Variants in GLIS3 observed in about 807,000 individuals in gnomAD.
The protein encoded by GLIS3 is zinc finger protein GLIS3.
Under a neutral mutation model 78.6 loss-of-function variants are expected in GLIS3, and 53 were observed. The ratio of observed to expected loss-of-function variants is 0.67; its 90% CI spans 0.54 to 0.85. The LOEUF (loss-of-function observed/expected upper bound fraction) is 0.85. GLIS3 is among the 40% of genes least tolerant of loss of function. GLIS3 has a pLI of 0.00. For missense variants in GLIS3, 1,703 were observed against 1,231.1 expected, an observed-to-expected ratio of 1.38 and a Z score of -5.74; for synonymous variants, 684 against 509.9, an observed-to-expected ratio of 1.34 and a Z score of -4.60.
At chr9:4,057,204 G>T (rs1826223473) in intron 4 of GLIS3, among the ~76,000 whole-genome samples, 1 of 152,078 alleles carries the variant, frequency 6.6e-6, no homozygotes, top group Admixed American at 6.6e-5. Flanking sequence ...AGGCCATGCA[G>T]TCCCATCGGC....
chr9:4,378,033 C>A, the GLIS3 span, among the ~76,000 whole-genome samples: 1 of 152,158 alleles, frequency 6.6e-6, no homozygotes. Context: ...ACTCCTTCAT[C>A]TGGTAAATGG....
intron 4 of GLIS3, among the ~76,000 whole-genome samples, chr9:4,111,719 G>T (rs1399286232): frequency 6.6e-6 from 1 of 152,168 alleles, no homozygotes; most frequent in Non-Finnish European, 1.5e-5. Context: ...ACGTAAAATC[G>T]CTGGGAAAGA....
chr9:4,233,587 C>T (rs900028993), intron 2 of GLIS3, among the ~76,000 whole-genome samples: 1 of 152,152 alleles, frequency 6.6e-6, no homozygotes, highest in Admixed American at 6.6e-5. Flanking sequence ...TTTGTTGTTC[C>T]ATTTATAGAT....
At chr9:3,869,341 G>C (rs1364917382) in intron 8 of GLIS3, among the ~76,000 whole-genome samples, 2 of 152,188 alleles carry the variant, frequency 1.3e-5, no homozygotes, top group Non-Finnish European at 2.9e-5. Context: ...TACTCAGAAA[G>C]TCCTGGAGAG....
intron 4 of GLIS3, among the ~76,000 whole-genome samples, chr9:3,960,495 C>T (rs1372583968): frequency 1.3e-5 from 2 of 152,144 alleles, no homozygotes; most frequent in Non-Finnish European, 2.9e-5. Context: ...CTATACCTAT[C>T]CATTAGAATG....
At chr9:4,267,637 A>T (rs1386805190) in intron 2 of GLIS3, among the ~76,000 whole-genome samples, 2 of 152,206 alleles carry the variant, frequency 1.3e-5, no homozygotes, top group Non-Finnish European at 2.9e-5. Flanking sequence ...TCATCCTGAA[A>T]ATCAGGTTTC....
chr9:4,189,124 G>C (rs1424544487), intron 2 of GLIS3, among the ~76,000 whole-genome samples: 1 of 150,858 alleles, frequency 6.6e-6, no homozygotes, highest in Non-Finnish European at 1.5e-5. Context: ...GCTTTCTCTT[G>C]TGGGCATTTA....
chr9:4,310,336 A>G (rs1333788924), intron 3 of GLIS3: 1 of 152,130 alleles, frequency 6.6e-6, no homozygotes, highest in Non-Finnish European at 1.5e-5. Context: ...GTATTGATAG[A>G]CTTCTTAGGC....
intron 4 of GLIS3, among the ~76,000 whole-genome samples, chr9:3,975,656 A>C (rs750913867): frequency 6.6e-6 from 1 of 152,008 alleles, no homozygotes; most frequent in Non-Finnish European, 1.5e-5. Flanking sequence ...AACCAGTAAC[A>C]TGCCTTAAGG....
the GLIS3 span, among the ~76,000 whole-genome samples, chr9:4,458,690 C>T: frequency 2.0e-5 from 3 of 152,004 alleles, no homozygotes; most frequent in Non-Finnish European, 2.9e-5. Context: ...CGGGACTACT[C>T]GGGAGGCTGA....
rs1817857100 is a variant in GLIS3 at position 4,343,037 on chromosome 9, C to T, written n.264+4044G>A. Among the ~76,000 whole-genome samples the T allele has an allele frequency of 2.0e-5, 3 of 152,040 alleles. No homozygotes were observed. In the South Asian group the frequency reaches 6.2e-4, roughly 32 times the overall value. On this transcript the variant is annotated intron_variant and non_coding_transcript_variant, in intron 2 of 4. Transcript: ENST00000471664. ...AACATTGATAATCATTAGAGAAAAGCAAATCAAAACCACAGTGAGGCCCAG... is the reference window on the plus strand; with the variant it reads ...AACATTGATAATCATTAGAGAAAAGTAAATCAAAACCACAGTGAGGCCCAG...
intron 4 of GLIS3, among the ~76,000 whole-genome samples, chr9:3,965,569 GTC>G (rs1817880588): frequency 6.6e-6 from 1 of 152,166 alleles, no homozygotes; most frequent in Non-Finnish European, 1.5e-5. Flanking sequence ...ATCATCAACA[GTC>G]TAAAGAAAAG....
the GLIS3 span, among the ~76,000 whole-genome samples, chr9:4,400,843 A>C: frequency 6.6e-6 from 1 of 152,132 alleles, no homozygotes; most frequent in African/African-American, 2.4e-5. Flanking sequence ...CATTGAAGGG[A>C]ATGACTCAGT....
At chr9:4,379,359 A>G in the GLIS3 span, among the ~76,000 whole-genome samples, 2 of 152,254 alleles carry the variant, frequency 1.3e-5, no homozygotes, top group Non-Finnish European at 2.9e-5. Context: ...TTAAAATGTT[A>G]TAATTTCTCA....
the GLIS3 span, among the ~76,000 whole-genome samples, chr9:4,385,264 C>G: frequency 6.6e-6 from 1 of 152,148 alleles, no homozygotes; most frequent in African/African-American, 2.4e-5. Context: ...AAGGATTTTC[C>G]CAACCCCAAA....
intron 2 of GLIS3, among the ~76,000 whole-genome samples, chr9:4,127,922 C>G (rs150790672): frequency 1.5e-3 from 226 of 152,202 alleles, no homozygotes; most frequent in African/African-American, 5.3e-3. Context: ...TACTTGATGG[C>G]AAAACATACC....
At chr9:4,415,834 G>T in the GLIS3 span, among the ~76,000 whole-genome samples, 1 of 151,254 alleles carries the variant, frequency 6.6e-6, no homozygotes, top group South Asian at 2.1e-4. Flanking sequence ...ATACCAAAAA[G>T]AAATACATAC....
At chr9:4,397,645 A>G in the GLIS3 span, among the ~76,000 whole-genome samples, 3 of 147,290 alleles carry the variant, frequency 2.0e-5, no homozygotes, top group Non-Finnish European at 4.5e-5. Flanking sequence ...GAAGAAAAGG[A>G]AGGAAGAAAA....
At chr9:4,200,377 G>C (rs1356989257) in intron 2 of GLIS3, among the ~76,000 whole-genome samples, 3 of 151,882 alleles carry the variant, frequency 2.0e-5, no homozygotes, top group African/African-American at 4.8e-5. Context: ...GTTGTTTTTT[G>C]AGAGAATAAA....
Sources: allele counts gnomAD v4.1 joint callset (sites outside exome capture counted in the v4.1 genomes callset), GRCh38; gene constraint gnomAD v4.1.1; transcripts MANE v1.5; gene names NCBI Gene and HGNC (gene_info 2026-07-23, HGNC 2026-07-21).